Variants in HECW1 observed in about 807,000 individuals in gnomAD.
The protein encoded by HECW1 is HECT, C2 and WW domain containing E3 ubiquitin protein ligase 1, also known as E3 ubiquitin-protein ligase HECW1.
HECW1 carries 61 observed loss-of-function variants against 182.3 expected under a neutral mutation model. The observed-to-expected ratio is 0.33, with a 90% CI of 0.27 to 0.41. HECW1 has a LOEUF of 0.41. Ranked by LOEUF, HECW1 falls within the 10% of genes least tolerant of loss-of-function variation. The pLI, the probability that HECW1 is intolerant of heterozygous loss-of-function variation, is 1.00. For missense variants in HECW1, 1,739 were observed against 2,108.9 expected (o/e 0.82, Z 3.44); for synonymous variants, 859 against 832.6 (o/e 1.03, Z -0.55).
intron 2 of HECW1, among the ~76,000 whole-genome samples, chr7:43,200,904 G>A (rs948225049): frequency 6.6e-6 from 1 of 152,222 alleles, no homozygotes; most frequent in Non-Finnish European, 1.5e-5. Context: ...CCTTACCAAA[G>A]CGGCTCGATG....
chr7:43,284,286 T>G (rs116636467), intron 3 of HECW1, among the ~76,000 whole-genome samples: 1,977 of 152,266 alleles, frequency 0.013, 45 homozygotes, highest in African/African-American at 0.045. Flanking sequence ...GAAATATGTG[T>G]GCATTGTAGA....
chr7:43,218,782 A>G (rs181383194), intron 2 of HECW1, among the ~76,000 whole-genome samples: 13 of 152,306 alleles, frequency 8.5e-5, no homozygotes, highest in East Asian at 5.8e-4. Flanking sequence ...AGAGAAAGTG[A>G]TACAACGAGT....
intron 3 of HECW1, among the ~76,000 whole-genome samples, chr7:43,289,758 TAC>T (rs1181571198): frequency 6.6e-6 from 1 of 152,232 alleles, no homozygotes; most frequent in African/African-American, 2.4e-5. Flanking sequence ...CCCAGGTGGT[TAC>T]AGTTTGGTTT....
intron 3 of HECW1, among the ~76,000 whole-genome samples, chr7:43,284,673 C>T (rs1804389339): frequency 6.6e-6 from 1 of 152,124 alleles, no homozygotes; most frequent in Admixed American, 6.6e-5. Context: ...TGTATCCTGT[C>T]AAATGTATCC....
At chr7:43,137,743 T>G (rs1562585938) in intron 2 of HECW1, among the ~76,000 whole-genome samples, 1 of 151,766 alleles carries the variant, frequency 6.6e-6, no homozygotes, top group Non-Finnish European at 1.5e-5. Flanking sequence ...AGAGATAGGG[T>G]TTCACCATGT....
chr7:43,147,433 C>A (rs1406309150), intron 2 of HECW1: 1 of 152,114 alleles, frequency 6.6e-6, no homozygotes, highest in African/African-American at 2.4e-5. Context: ...TGTAGTTTTT[C>A]TTTTGTTATT....
Position 43,311,907 on chromosome 7 carries a change from C to T in HECW1, c.172C>T (p.His58Tyr). The change falls in exon 4 of 30, where the codon CAC becomes TAC. Residue 58 changes from histidine (H) to tyrosine (Y), a missense_variant. Physicochemically the swap from His to Tyr is moderately conservative, Grantham distance 83. Around this residue, in one of 5 missense-constraint regions of HECW1, gnomAD observed 279 missense variants for 353.1 expected, o/e 0.79. Coordinates refer to ENST00000395891, the MANE Select transcript of HECW1 (RefSeq NM_015052.5). ...CAACATGGACCTCAGGGGCGGCCCCCACGATGGCGTCACCATTCCCCGCTC... is the reference window on the plus strand; with the variant it reads ...CAACATGGACCTCAGGGGCGGCCCCTACGATGGCGTCACCATTCCCCGCTC... ...FHNMDLRGGP[H>Y]DGVTIPRSTS... 1 of 1,614,234 alleles carries T rather than the reference C, an allele frequency of 6.2e-7. No homozygotes were observed.
At chr7:43,482,717 G>C (rs1340170422) in intron 17 of HECW1, among the ~76,000 whole-genome samples, 1 of 152,074 alleles carries the variant, frequency 6.6e-6, no homozygotes, top group Non-Finnish European at 1.5e-5. Flanking sequence ...ACCAGTCTGG[G>C]CAGCATGGCA....
chr7:43,497,302 A>G (rs1241360068), intron 19 of HECW1, among the ~76,000 whole-genome samples: 1 of 152,182 alleles, frequency 6.6e-6, no homozygotes, highest in Admixed American at 6.6e-5. Context: ...AGTGTGGCCC[A>G]GGAGTAGATT....
In HECW1 at chr7:43,445,377, G is replaced by T. The variant is rs749312463; in HGVS notation, c.2205G>T (p.Ser735=). The part of the protein sequence containing the change: ...AKISESTVFS[S]QDDEEEENSA... Reference sequence around the variant, plus strand: ...TCTCCGAGAGCACGGTCTTCTCCTCGCAAGACGACGAGGAGGAGGAGAACA... The same window carrying T: ...TCTCCGAGAGCACGGTCTTCTCCTCTCAAGACGACGAGGAGGAGGAGAACA... Residue 735 remains serine, a synonymous_variant, in exon 11 of 30, where the codon TCG becomes TCT. Coordinates refer to ENST00000395891, the MANE Select transcript of HECW1 (RefSeq NM_015052.5). The T allele has an allele frequency of 1.2e-6, 2 of 1,613,710 alleles. No individual in the cohort carries two copies. Among genetic ancestry groups the T allele is most frequent in the Non-Finnish European group, 1.7e-6 (2 of 1,180,012 alleles).
intron 6 of HECW1, among the ~76,000 whole-genome samples, chr7:43,391,400 C>T (rs1312377551): frequency 1.3e-5 from 2 of 152,104 alleles, no homozygotes; most frequent in African/African-American, 2.4e-5. Flanking sequence ...CAGTTTGGTC[C>T]GGGAACAAAG....
intron 2 of HECW1, among the ~76,000 whole-genome samples, chr7:43,230,039 A>G (rs1468502050): frequency 6.6e-6 from 1 of 152,222 alleles, no homozygotes; most frequent in African/African-American, 2.4e-5. Context: ...TATCACAAGG[A>G]AACATCAGGC....
chr7:43,210,769 C>T (rs1795940203), intron 2 of HECW1, among the ~76,000 whole-genome samples: 1 of 152,170 alleles, frequency 6.6e-6, no homozygotes, highest in Admixed American at 6.5e-5. Flanking sequence ...GCAATGGGCG[C>T]CTCACTGGAT....
intron 2 of HECW1, among the ~76,000 whole-genome samples, chr7:43,199,858 C>T (rs1035650135): frequency 6.6e-6 from 1 of 152,080 alleles, no homozygotes; most frequent in Non-Finnish European, 1.5e-5. Flanking sequence ...TCTATATATA[C>T]ACGTTTGGTT....
At chr7:43,226,342 T>A (rs1003727078) in intron 2 of HECW1, among the ~76,000 whole-genome samples, 2 of 152,118 alleles carry the variant, frequency 1.3e-5, no homozygotes, top group Non-Finnish European at 2.9e-5. Flanking sequence ...ATTGGTTGGT[T>A]TGTCTTAAAA....
At chr7:43,278,732 C>G (rs1401485128) in intron 3 of HECW1, among the ~76,000 whole-genome samples, 1 of 152,106 alleles carries the variant, frequency 6.6e-6, no homozygotes, top group African/African-American at 2.4e-5. Flanking sequence ...GTGCTTTTTC[C>G]CTTGAGGTCT....
chr7:43,493,590 G>A (rs961032446), intron 19 of HECW1, among the ~76,000 whole-genome samples: 1 of 152,174 alleles, frequency 6.6e-6, no homozygotes, highest in Admixed American at 6.5e-5. Context: ...AAAGTTTCTT[G>A]TGTGTTCTAA....
rs189604626 is a variant in HECW1, at chr7:43,283,819, G to A, written c.28-27944G>A. The stretch of plus-strand genomic sequence containing the variant: ...TGGGAAAGGATGCTTTTTTAATGCA[G>A]CAATCTATTTCCTCCATGTTTTCTG... On this transcript the variant is annotated intron_variant, in intron 3 of 29. Coordinates refer to ENST00000395891, the MANE Select transcript of HECW1 (RefSeq NM_015052.5). Among the ~76,000 whole-genome samples, 265 of 152,310 alleles carry A rather than the reference G, an allele frequency of 1.7e-3. 1 individual carries two copies. The highest frequency in any genetic ancestry group is 3.2e-4 in the Non-Finnish European group (22 of 68,028).
intron 6 of HECW1, among the ~76,000 whole-genome samples, chr7:43,392,841 G>A (rs954537294): frequency 6.6e-5 from 10 of 152,170 alleles, no homozygotes; most frequent in Non-Finnish European, 7.3e-5. Flanking sequence ...CCGGACTGCT[G>A]AAACAGAAGA....
Sources: gnomAD v4.1 joint callset for allele counts (sites outside exome capture counted in the v4.1 genomes callset) on GRCh38, gnomAD v4.1.1 for gene constraint, gnomAD v4.1.1 regional missense constraint, MANE v1.5 for transcripts, NCBI Gene and HGNC (gene_info 2026-07-23, HGNC 2026-07-21) for gene names.